CNTN5: variants seen among roughly 807,000 people sequenced by gnomAD.
CNTN5 encodes contactin-5.
A neutral mutation model predicts 129.1 loss-of-function variants in CNTN5; 77 were observed. The observed-to-expected ratio is 0.60, with a 90% CI of 0.50 to 0.72. The LOEUF (loss-of-function observed/expected upper bound fraction) is 0.72, where lower values mean the gene tolerates loss of function less well. Ranked by LOEUF, CNTN5 falls within the 30% of genes least tolerant of loss-of-function variation. The pLI is 0.00. For missense variants in CNTN5, 1,478 were observed against 1,328.8 expected (o/e 1.11, Z -1.75); for synonymous variants, 509 against 465.6 (o/e 1.09, Z -1.20).
rs1450515952 is a variant in CNTN5 at position 100,271,113 on chromosome 11, A to T, written c.2186A>T (p.Asp729Val). 2 of 1,610,480 alleles carry T rather than the reference A, an allele frequency of 1.2e-6. No homozygotes were observed. Among genetic ancestry groups the T allele is most frequent in the Admixed American group, 1.7e-5 (1 of 58,952 alleles). ...ATAGTCCCAGAAATCATAACAGGGG[A>T]CATGGAGTCAGCCATGGCTGTGGAC... ...VKTVPEIITG[D>V]MESAMAVDLN... Residue 729 changes from aspartate (D) to valine (V), a missense_variant, in exon 18 of 25, where the codon GAC (aspartate) becomes GTC (valine). Coordinates refer to ENST00000524871, the MANE Select transcript of CNTN5 (RefSeq NM_014361.4).
At chr11:100,272,995 C>G (rs1047116061) in intron 18 of CNTN5, among the ~76,000 whole-genome samples, 13 of 152,072 alleles carry the variant, frequency 8.5e-5, no homozygotes, top group African/African-American at 4.8e-5. Flanking sequence ...TCGATTTGCT[C>G]CATAGGAGAC....
At position 99,844,932 on chromosome 11, in the gene CNTN5, G is replaced by A. The variant is rs755277242; in HGVS notation, c.358G>A (p.Ala120Thr). Residue 120 changes from alanine to threonine, a missense_variant, in exon 5 of 25, where the codon GCA (alanine) becomes ACA (threonine). Ala to Thr is a moderately conservative substitution (Grantham distance 58, BLOSUM62 0). Transcript: ENST00000524871. ...AACTGATTCTGATGAAAAGAAGGTA[G>A]CATTGAATTGTGAAGTTCGTGGCAA... ...FPTDSDEKKV[A>T]LNCEVRGNPV... is the part of the protein sequence containing the mutation. 1 of 1,613,768 alleles carries A rather than the reference G, an allele frequency of 6.2e-7. No individual in the cohort carries two copies. The highest frequency in any genetic ancestry group is 1.1e-5 in the South Asian group (1 of 91,056).
At chr11:99,466,103 C>A (rs902021519) in intron 2 of CNTN5, among the ~76,000 whole-genome samples, 1 of 151,952 alleles carries the variant, frequency 6.6e-6, no homozygotes, top group Non-Finnish European at 1.5e-5. Context: ...AGGATGGCCT[C>A]GATCTCCTGA....
chr11:99,875,118 T>A (rs1455899016), intron 6 of CNTN5, among the ~76,000 whole-genome samples: 1 of 152,184 alleles, frequency 6.6e-6, no homozygotes, highest in Non-Finnish European at 1.5e-5. Context: ...GATTATAGTT[T>A]TCTTAATCTT....
chr11:99,365,255 T>TA (rs1182894373), intron 2 of CNTN5, among the ~76,000 whole-genome samples: 1 of 152,200 alleles, frequency 6.6e-6, no homozygotes. Flanking sequence ...ATAGAGTGGC[T>TA]ATATGGATTT....
chr11:99,711,475 T>G (rs992198331), intron 3 of CNTN5, among the ~76,000 whole-genome samples: 3 of 151,268 alleles, frequency 2.0e-5, no homozygotes, highest in African/African-American at 7.3e-5. Flanking sequence ...TATACATCGT[T>G]TGAAGACACA....
At chr11:99,812,286 C>T (rs114703149) in intron 3 of CNTN5, among the ~76,000 whole-genome samples, 215 of 152,134 alleles carry the variant, frequency 1.4e-3, no homozygotes, top group African/African-American at 5.0e-3. Flanking sequence ...AAAATGTAAT[C>T]ATTTCCTTTC....
At chr11:100,154,885 T>TGTTTGAGTTCTTTCTTTG (rs1947187178) in intron 13 of CNTN5, among the ~76,000 whole-genome samples, 1 of 152,296 alleles carries the variant, frequency 6.6e-6, no homozygotes, top group Middle Eastern at 3.4e-3. Context: ...CTTGTAAATT[T>TGTTTGAGTTCTTTCTTTG]GTTTGAGTTC....
Position 99,999,033 on chromosome 11 carries a change from G to T in CNTN5, c.878-3001G>T, listed in dbSNP as rs188067487. On this transcript the variant is annotated intron_variant, in intron 8 of 24. Transcript: ENST00000524871. ...AGATGGAATAAATACTTAAACGTTA[G>T]ACCTAAAACCATAAAAACCCTAGAA... Among the ~76,000 whole-genome samples, 633 of 152,090 alleles carry T rather than the reference G, an allele frequency of 4.2e-3. 2 individuals are homozygous for T. The highest frequency in any genetic ancestry group is 0.015 in the African/African-American group (601 of 41,446).
intron 3 of CNTN5, among the ~76,000 whole-genome samples, chr11:99,784,781 T>A (rs1390569825): frequency 6.8e-6 from 1 of 146,908 alleles, no homozygotes; most frequent in Non-Finnish European, 1.5e-5. Context: ...TGGTGTGAGA[T>A]GGTATCTCAT....
At chr11:99,878,474 T>G (rs1948689834) in intron 6 of CNTN5, among the ~76,000 whole-genome samples, 1 of 152,142 alleles carries the variant, frequency 6.6e-6, no homozygotes. Flanking sequence ...ATAGGTGTCA[T>G]GCACATTGTA....
At chr11:100,140,440 A>G (rs1189675956) in intron 13 of CNTN5, among the ~76,000 whole-genome samples, 1 of 152,234 alleles carries the variant, frequency 6.6e-6, no homozygotes, top group Non-Finnish European at 1.5e-5. Flanking sequence ...CTAGATAAAT[A>G]GATGGCAAAG....
intron 3 of CNTN5, among the ~76,000 whole-genome samples, chr11:99,766,257 A>C (rs1391233169): frequency 6.6e-6 from 1 of 152,078 alleles, no homozygotes; most frequent in Non-Finnish European, 1.5e-5. Context: ...TTATCTGTAG[A>C]ATAAAACAGG....
At chr11:99,734,793 A>G (rs1227140577) in intron 3 of CNTN5, among the ~76,000 whole-genome samples, 2 of 151,252 alleles carry the variant, frequency 1.3e-5, no homozygotes, top group African/African-American at 2.4e-5. Flanking sequence ...AAAGCTACCT[A>G]TACAATAGTC....
intron 2 of CNTN5, among the ~76,000 whole-genome samples, chr11:99,328,532 T>C (rs1275930582): frequency 6.6e-6 from 1 of 152,106 alleles, no homozygotes; most frequent in Admixed American, 6.6e-5. Flanking sequence ...TAGAAAATAT[T>C]GTTTTCCAGT....
chr11:99,817,929 C>T (rs1203745278), intron 3 of CNTN5, among the ~76,000 whole-genome samples: 1 of 152,080 alleles, frequency 6.6e-6, no homozygotes, highest in African/African-American at 2.4e-5. Context: ...CTCTTAACAC[C>T]TCCTGATGGT....
intron 1 of CNTN5, among the ~76,000 whole-genome samples, chr11:99,029,119 TA>T (rs200662419): frequency 0.033 from 5,060 of 151,794 alleles, 283 homozygotes; most frequent in African/African-American, 0.11. Context: ...TTTTCAATGG[TA>T]AAAAAATTAT....
chr11:100,277,007 A>G (rs1268490853), intron 18 of CNTN5, among the ~76,000 whole-genome samples: 1 of 150,626 alleles, frequency 6.6e-6, no homozygotes, highest in Non-Finnish European at 1.5e-5. Flanking sequence ...CCAACCTTCT[A>G]CTCTCTATTT....
chr11:99,499,809 G>A (rs1477134620), intron 2 of CNTN5, among the ~76,000 whole-genome samples: 1 of 152,038 alleles, frequency 6.6e-6, no homozygotes, highest in Non-Finnish European at 1.5e-5. Flanking sequence ...AGGCCATATT[G>A]TTTTCTGTTT....
Sources: allele counts gnomAD v4.1 joint callset (sites outside exome capture counted in the v4.1 genomes callset), GRCh38; gene constraint gnomAD v4.1.1; transcripts MANE v1.5; gene names NCBI Gene and HGNC (gene_info 2026-07-23, HGNC 2026-07-21).